H3C4: variants seen among roughly 807,000 people sequenced by gnomAD.
H3C4 encodes the protein H3 clustered histone 4, also known as histone H3.1.
In H3C4, 10 loss-of-function variants were observed where a neutral mutation model predicts 8.7. That is an observed-to-expected ratio of 1.15 (90% CI 0.71 to 1.96). The LOEUF (loss-of-function observed/expected upper bound fraction) is 1.96, where lower values mean the gene tolerates loss of function less well. Among genes scored for constraint, H3C4 ranks in the 30% most tolerant of loss-of-function variants. The pLI, the probability that H3C4 is intolerant of heterozygous loss-of-function variation, is 0.00. For synonymous variants in H3C4, 141 were observed against 80.1 expected, an observed-to-expected ratio of 1.76 and a Z score of -4.06; for missense variants, 216 against 192.9, an observed-to-expected ratio of 1.12 and a Z score of -0.71.
rs535488676 is a variant in H3C4, at chr6:26,196,908, C to G, written c.343G>C (p.Ala115Pro). Residue 115 changes from alanine (A) to proline (P), a missense_variant, in exon 1 of 1, where the codon GCC (alanine) becomes CCC (proline). Physicochemically the swap from Ala to Pro is conservative, Grantham distance 27. Transcript: ENST00000356476. The stretch of plus-strand genomic sequence containing the variant: ...TTGGGCATGATAGTCACTCGCTTGG[C>G]GTGAATGGCGCATAGGTTGGTGTCC... Reference protein sequence around the residue: ...FEDTNLCAIHAKRVTIMPKDI... With the variant: ...FEDTNLCAIHPKRVTIMPKDI... 24 of 1,614,120 alleles carry G rather than the reference C, an allele frequency of 1.5e-5. No individual in the cohort carries two copies. Among genetic ancestry groups the G allele is most frequent in the Non-Finnish European group, 2.0e-5 (24 of 1,180,044 alleles).
Position 26,197,110 on chromosome 6 carries a change from CACCGT to C in H3C4, c.136_140del (p.Thr46GlyfsTer27). The C allele has an allele frequency of 6.2e-7, 1 of 1,614,200 alleles. No homozygotes were observed. Among genetic ancestry groups the C allele is most frequent in the Non-Finnish European group, 8.5e-7 (1 of 1,180,028 alleles). On this transcript the variant is annotated frameshift_variant, in exon 1 of 1. Coordinates refer to ENST00000356476, the MANE Select transcript of H3C4 (RefSeq NM_001376937.1). LOFTEE classifies it high-confidence loss of function. ...GGTAGCGGCGGATCTCGCGCAGAGC[CACCGT>C]GCCGGGCCGGTAACGGTGGGGCTTC...
At chr6:26,199,263 T>C (rs201050533), upstream of H3C4, 466 of 1,586,504 alleles carry the variant, frequency 2.9e-4, 3 homozygotes, top group East Asian at 8.9e-5. Flanking sequence ...TTAAAAACGA[T>C]GTTAAGCAAT....
chr6:26,198,964 G>C (rs139406782), upstream of H3C4: 384 of 1,614,234 alleles, frequency 2.4e-4, no homozygotes, highest in Non-Finnish European at 3.1e-4. Flanking sequence ...AACTTGTTTA[G>C]CTCCTCGTCG....
upstream of H3C4, chr6:26,198,983 G>A (rs749759263): frequency 3.1e-6 from 5 of 1,614,194 alleles, no homozygotes; most frequent in Admixed American, 5.0e-5. Flanking sequence ...CGTTGCGGAT[G>A]GCCAGCTGCA....
At chr6:26,198,956 C>T, upstream of H3C4, 2 of 1,614,244 alleles carry the variant, frequency 1.2e-6, no homozygotes, top group Non-Finnish European at 8.5e-7. Context: ...TACCCAGCAA[C>T]TTGTTTAGCT....
At chr6:26,198,565 C>T (rs975861730), upstream of H3C4, among the ~76,000 whole-genome samples, 2 of 152,150 alleles carry the variant, frequency 1.3e-5, no homozygotes, top group African/African-American at 4.8e-5. Flanking sequence ...AACTCCTGAC[C>T]CTGTGATCCG....
Position 26,197,121 on chromosome 6 carries a change from G to C in H3C4, c.130C>G (p.Pro44Ala). The C allele has an allele frequency of 1.2e-6, 2 of 1,614,198 alleles. No individual in the cohort carries two copies. The highest frequency in any genetic ancestry group is 8.5e-7 in the Non-Finnish European group (1 of 1,180,036). Residue 44 changes from proline to alanine, a missense_variant, in exon 1 of 1, where the codon CCC becomes GCC. Transcript: ENST00000356476. ...GGVKKPHRYR[P>A]GTVALREIRR... is the part of the protein sequence containing the mutation. ...ATCTCGCGCAGAGCCACCGTGCCGG[G>C]CCGGTAACGGTGGGGCTTCTTCACG...
chr6:26,199,256 A>G (rs747777633), upstream of H3C4: 111 of 1,591,694 alleles, frequency 7.0e-5, 1 homozygote, highest in Middle Eastern at 1.3e-3. Context: ...TGAATTCTTA[A>G]AAACGATGTT....
upstream of H3C4, chr6:26,199,124 G>A (rs762874695): frequency 1.2e-6 from 2 of 1,614,242 alleles, no homozygotes; most frequent in East Asian, 2.2e-5. Context: ...CTCGCTCGGA[G>A]TAGTTGCCCT....
At chr6:26,199,285 T>A (rs768909150), upstream of H3C4, 18 of 1,571,166 alleles carry the variant, frequency 1.1e-5, no homozygotes, top group Non-Finnish European at 1.5e-5. Flanking sequence ...AAGACAAAAA[T>A]GTAAAAGTGA....
upstream of H3C4, among the ~76,000 whole-genome samples, chr6:26,198,325 T>C (rs2113858494): frequency 6.6e-6 from 1 of 152,330 alleles, no homozygotes; most frequent in South Asian, 2.1e-4. Context: ...TTTAATTAGT[T>C]TGCTTTTTTG....
At chr6:26,199,192 G>A (rs755817012), upstream of H3C4, 1 of 1,613,958 alleles carries the variant, frequency 6.2e-7, no homozygotes, top group Non-Finnish European at 8.5e-7. Context: ...CGCGAAGAGC[G>A]GGTCTTAGCC....
chr6:26,199,129 TG>T, upstream of H3C4: 1 of 1,614,150 alleles, frequency 6.2e-7, no homozygotes, highest in Non-Finnish European at 8.5e-7. Flanking sequence ...TCGGAGTAGT[TG>T]CCCTTGCGGA....
upstream of H3C4, among the ~76,000 whole-genome samples, chr6:26,198,392 C>G (rs1222249161): frequency 6.6e-6 from 1 of 152,158 alleles, no homozygotes; most frequent in Non-Finnish European, 1.5e-5. Flanking sequence ...AGTGCAGTGG[C>G]GCGATCTCGA....
At chr6:26,198,264 G>A (rs1360722642), upstream of H3C4, among the ~76,000 whole-genome samples, 1 of 132,702 alleles carries the variant, frequency 7.5e-6, no homozygotes, top group East Asian at 1.9e-4. Flanking sequence ...ATCCTAACGA[G>A]CCGCTGCATT....
upstream of H3C4, among the ~76,000 whole-genome samples, chr6:26,197,818 T>A (rs4145878): frequency 0.58 from 78,993 of 135,638 alleles, 21,552 homozygotes; most frequent in East Asian, 0.92. Context: ...CCACAATATG[T>A]CATCCTCATA....
At chr6:26,198,978 CG>C (rs1561981728), upstream of H3C4, 1 of 1,614,174 alleles carries the variant, frequency 6.2e-7, no homozygotes, top group Non-Finnish European at 8.5e-7. Flanking sequence ...CTCGTCGTTG[CG>C]GATGGCCAGC....
In H3C4 at chr6:26,197,254, G is replaced by C. The variant is rs200288167; in HGVS notation, c.-4C>G. ...CAGTCTGCTTGGTACGAGCCATTGC[G>C]AACTTCTAAACCCTGCTAAATGACG... On this transcript the variant is annotated 5_prime_UTR_variant, in exon 1 of 1. Coordinates refer to ENST00000356476, the MANE Select transcript of H3C4 (RefSeq NM_001376937.1). 5.0e-6 allele frequency: 8 copies of C among 1,608,898 alleles called. No homozygotes were observed. The highest frequency in any genetic ancestry group is 1.1e-5 in the South Asian group (1 of 90,538).
At position 26,197,227 on chromosome 6, in the gene H3C4, A is replaced by C. The variant is rs1257048763; in HGVS notation, c.24T>G (p.Ala8=). 1 of 1,613,754 alleles carries C rather than the reference A, an allele frequency of 6.2e-7. No individual in the cohort carries two copies. The highest frequency in any genetic ancestry group is 1.1e-5 in the South Asian group (1 of 91,074). The change falls in exon 1 of 1, where the codon GCT becomes GCG. Residue 8 remains alanine (A), a synonymous_variant. Transcript: ENST00000356476. The stretch of plus-strand genomic sequence containing the variant: ...GCGCTTTCCCACCCGTGGACTTGCG[A>C]GCAGTCTGCTTGGTACGAGCCATTG... MARTKQT[A]RKSTGGKAPR... is the part of the protein sequence containing the mutation.
Sources: allele counts gnomAD v4.1 joint callset (sites outside exome capture counted in the v4.1 genomes callset), GRCh38; gene constraint gnomAD v4.1.1; transcripts MANE v1.5; gene names NCBI Gene and HGNC (gene_info 2026-07-23, HGNC 2026-07-21).